Variants in ARSL observed in about 807,000 individuals in gnomAD.
ARSL encodes the protein arylsulfatase E (chondrodysplasia punctata 1).
ARSL carries 4 observed loss-of-function variants against 31.1 expected under a neutral mutation model. That is an observed-to-expected ratio of 0.13 (90% CI 0.06 to 0.29). The LOEUF is 0.29. ARSL is among the 10% of genes least tolerant of loss of function. The probability of loss-of-function intolerance (pLI) is 1.00; values close to 1 mark genes in which losing one functional copy is unlikely to be tolerated. For missense variants in ARSL, 312 were observed against 497.8 expected (o/e 0.63, Z 3.55); for synonymous variants, 198 against 209.9 (o/e 0.94, Z 0.49).
chrX:2,961,639 T>C (rs924827141), intron 1 of ARSL, among the ~76,000 whole-genome samples: 1 of 112,117 alleles, frequency 8.9e-6, no homozygotes, highest in Admixed American at 9.5e-5. Flanking sequence ...TCTGTAAAGA[T>C]GTAAAGAATC....
intron 7 of ARSL, among the ~76,000 whole-genome samples, chrX:2,943,902 G>A (rs1456079533): frequency 9.0e-6 from 1 of 110,747 alleles, no homozygotes; most frequent in African/African-American, 3.3e-5. Flanking sequence ...ACAGTTGGCC[G>A]GGCACAGTGG....
intron 2 of ARSL, chrX:2,959,589 C>A: frequency 8.8e-7 from 1 of 1,141,299 alleles, no homozygotes; most frequent in Non-Finnish European, 1.2e-6. Flanking sequence ...CCGATGGTAG[C>A]GGTTGATGCC....
intron 8 of ARSL, among the ~76,000 whole-genome samples, chrX:2,938,570 G>A (rs1228182323): frequency 8.9e-6 from 1 of 111,820 alleles, no homozygotes; most frequent in African/African-American, 3.2e-5. Flanking sequence ...AGGCCATGTG[G>A]AGACGGAGGC....
intron 1 of ARSL, among the ~76,000 whole-genome samples, chrX:2,961,858 G>GTTT (rs772533894): frequency 5.4e-5 from 5 of 92,138 alleles, no homozygotes; most frequent in Admixed American, 2.4e-4. Flanking sequence ...GGATCCCAGG[G>GTTT]TTTTTTTTTT....
chrX:2,951,800 TA>T (rs35592318), intron 5 of ARSL, among the ~76,000 whole-genome samples: 30,656 of 84,078 alleles, frequency 0.36, 5,178 homozygotes, highest in Non-Finnish European at 0.49. Context: ...GTACCCTGTT[TA>T]AAAAAAAAAA....
chrX:2,938,223 G>A lies in ARSL; in HGVS notation c.1161C>T (p.Ile387=). 3.3e-6 allele frequency: 4 copies of A among 1,212,213 alleles called. No individual in the cohort carries two copies. Among genetic ancestry groups the A allele is most frequent in the Non-Finnish European group, 3.3e-6 (3 of 895,610 alleles). The change falls in exon 9 of 11, where the codon ATC becomes ATT. Residue 387 remains isoleucine, a synonymous_variant. Transcript: ENST00000381134. ...GKGMGGWEGG[I]RVPGIFRWPG... ...GCCAGCGGAAGATCCCGGGCACGCG[G>A]ATCCCACCTTCCCATCCTCCCATGC...
chrX:2,960,112 A>G (rs759504273), intron 2 of ARSL, among the ~76,000 whole-genome samples: 193 of 96,554 alleles, frequency 2.0e-3, no homozygotes, highest in Non-Finnish European at 3.3e-3. Flanking sequence ...TACTAAAAAT[A>G]CAAAAAATTA....
intron 6 of ARSL, among the ~76,000 whole-genome samples, chrX:2,946,741 C>T (rs2089390211): frequency 9.1e-6 from 1 of 109,878 alleles, no homozygotes; most frequent in Non-Finnish European, 1.9e-5. Context: ...ACGATCTCAG[C>T]TCACTGCAAC....
chrX:2,960,324 A>C, intron 2 of ARSL, 54 bp downstream of exon 2: 3 of 666,399 alleles, frequency 4.5e-6, no homozygotes, highest in Non-Finnish European at 4.5e-6. Context: ...AAGGAAGAGA[A>C]AGAAAGAAAG....
intron 7 of ARSL, among the ~76,000 whole-genome samples, chrX:2,943,735 C>T (rs762265347): frequency 1.6e-5 from 1 of 60,805 alleles, no homozygotes; most frequent in Non-Finnish European, 2.7e-5. Flanking sequence ...GAGTGAGACT[C>T]GGTCTCAAAA....
chrX:2,945,345 G>C (rs1363562154), intron 7 of ARSL, among the ~76,000 whole-genome samples: 1 of 111,723 alleles, frequency 9.0e-6, no homozygotes, highest in East Asian at 2.8e-4. Context: ...GCTTTTGTAG[G>C]TGATAGGAGG....
rs775871675 is a variant in ARSL at position 2,950,074 on chromosome X, G to T, written c.431-347C>A. On this transcript the variant is annotated intron_variant, in intron 5 of 10. Coordinates refer to ENST00000381134, the MANE Select transcript of ARSL (RefSeq NM_000047.3). ...TCTCCAGGCCACACTCAAATTGGAGGCTCTAGGGGAGGATCCTTCCTGCCT... is the reference window on the plus strand; with the variant it reads ...TCTCCAGGCCACACTCAAATTGGAGTCTCTAGGGGAGGATCCTTCCTGCCT... Among the ~76,000 whole-genome samples, 3 of 111,935 alleles carry T rather than the reference G, an allele frequency of 2.7e-5. No homozygotes were observed. The South Asian group carries it at 1.1e-3, about 42-fold the overall frequency.
Position 2,934,874 on chromosome X carries a change from C to T in ARSL, c.1728G>A (p.Pro576=), listed in dbSNP as rs11055. The T allele has an allele frequency of 0.072, 85,489 of 1,182,636 alleles. 3,011 individuals are homozygous for T. Among genetic ancestry groups the T allele is most frequent in the Non-Finnish European group, 0.086 (75,327 of 873,367 alleles). ...CCCTAAGGCACCAGCAGAGGGGGAA[C>T]GGGCCACAGCAGGGCTGCAGCCACG... ...WRPWLQPCCG[P]FPLCWCLRED... is the part of the protein sequence containing the mutation. Residue 576 remains proline (P), a synonymous_variant, in exon 11 of 11, where the codon CCG becomes CCA. Coordinates refer to ENST00000381134, the MANE Select transcript of ARSL (RefSeq NM_000047.3).
chrX:2,952,586 G>A (rs1438282218), intron 5 of ARSL, among the ~76,000 whole-genome samples: 1 of 111,654 alleles, frequency 9.0e-6, no homozygotes, highest in Non-Finnish European at 1.9e-5. Flanking sequence ...TTCAACATAG[G>A]AATTTTAGGG....
chrX:2,942,318 G>C (rs754551221), intron 8 of ARSL, among the ~76,000 whole-genome samples: 2 of 111,318 alleles, frequency 1.8e-5, no homozygotes, highest in Non-Finnish European at 3.8e-5. Context: ...TTGAGATGGA[G>C]ACTCTCTCTA....
intron 1 of ARSL, among the ~76,000 whole-genome samples, chrX:2,960,761 C>T (rs957256151): frequency 5.4e-5 from 6 of 111,076 alleles, no homozygotes; most frequent in Non-Finnish European, 9.4e-5. Context: ...TCCCAGTGTC[C>T]GGAAGCAGAT....
At chrX:2,966,644 T>C (rs1383851836), upstream of ARSL, among the ~76,000 whole-genome samples, 4 of 107,349 alleles carry the variant, frequency 3.7e-5, no homozygotes, top group South Asian at 1.1e-3. Flanking sequence ...AATATATAAA[T>C]ATAATATATA....
At chrX:2,962,868 G>A (rs956830149) in intron 1 of ARSL, among the ~76,000 whole-genome samples, 23 of 111,361 alleles carry the variant, frequency 2.1e-4, no homozygotes, top group African/African-American at 7.5e-4. Context: ...CCTTTGGAAA[G>A]GCTCATCAGA....
chrX:2,939,129 G>A lies in ARSL; in HGVS notation c.1127-872C>T, dbSNP rs1232164191. 7.1e-5 allele frequency among the ~76,000 whole-genome samples: 8 copies of A among 111,945 alleles called. No homozygotes were observed. In the East Asian group the frequency reaches 2.3e-3, roughly 32 times the overall value. On this transcript the variant is annotated intron_variant, in intron 8 of 10. Coordinates refer to ENST00000381134, the MANE Select transcript of ARSL (RefSeq NM_000047.3). The stretch of plus-strand genomic sequence containing the variant: ...AAGGGGTCCTTGTAGATGCAATTAA[G>A]TATCTCAAGATCGTCGCGGAGAAGG...
Sources: gnomAD v4.1 joint callset for allele counts (sites outside exome capture counted in the v4.1 genomes callset) on GRCh38, gnomAD v4.1.1 for gene constraint, MANE v1.5 for transcripts, NCBI Gene and HGNC (gene_info 2026-07-23, HGNC 2026-07-21) for gene names.